Variants in ARL15 observed in about 807,000 individuals in gnomAD.
The protein encoded by ARL15 is ADP-ribosylation factor-like protein 15.
A neutral mutation model predicts 25.2 loss-of-function variants in ARL15; 19 were observed. The ratio of observed to expected loss-of-function variants is 0.75; its 90% CI spans 0.53 to 1.10. The LOEUF is 1.10. Ranked by LOEUF, ARL15 falls within the 50% of genes least tolerant of loss-of-function variation. The probability of loss-of-function intolerance (pLI) is 0.00; values close to 1 mark genes in which losing one functional copy is unlikely to be tolerated. For synonymous variants in ARL15, 94 were observed against 86.8 expected, an observed-to-expected ratio of 1.08 and a Z score of -0.46; for missense variants, 220 against 246.0, an observed-to-expected ratio of 0.89 and a Z score of 0.71.
At chr5:54,030,010 A>C (rs1230163880) in intron 4 of ARL15, among the ~76,000 whole-genome samples, 1 of 151,992 alleles carries the variant, frequency 6.6e-6, no homozygotes, top group African/African-American at 2.4e-5. Context: ...TAAATAAATA[A>C]ATAAAATAAA....
intron 4 of ARL15, among the ~76,000 whole-genome samples, chr5:54,101,887 T>A (rs1258709139): frequency 6.6e-6 from 1 of 152,146 alleles, no homozygotes; most frequent in Non-Finnish European, 1.5e-5. Context: ...GTATCCAAAA[T>A]ATGCAGAAAC....
chr5:53,966,494 T>C (rs774068557), intron 4 of ARL15, among the ~76,000 whole-genome samples: 2 of 152,196 alleles, frequency 1.3e-5, no homozygotes, highest in Non-Finnish European at 2.9e-5. Context: ...AACCCCAACT[T>C]GAGCTGGTCA....
At chr5:54,053,295 C>T (rs929071970) in intron 4 of ARL15, among the ~76,000 whole-genome samples, 1 of 152,054 alleles carries the variant, frequency 6.6e-6, no homozygotes, top group Non-Finnish European at 1.5e-5. Flanking sequence ...CCATGAGTCT[C>T]TACTGACATA....
intron 4 of ARL15, among the ~76,000 whole-genome samples, chr5:54,063,807 TA>T (rs1751136206): frequency 6.6e-6 from 1 of 152,170 alleles, no homozygotes; most frequent in African/African-American, 2.4e-5. Flanking sequence ...GATGTAAAAA[TA>T]AAGCTAATTT....
At chr5:54,011,467 C>G (rs764632674) in intron 4 of ARL15, among the ~76,000 whole-genome samples, 7 of 151,894 alleles carry the variant, frequency 4.6e-5, no homozygotes, top group Non-Finnish European at 8.8e-5. Flanking sequence ...AAATAAATAA[C>G]AGAAAAAGGT....
intron 3 of ARL15, among the ~76,000 whole-genome samples, chr5:54,132,407 T>C (rs1361746237): frequency 1.3e-5 from 2 of 152,080 alleles, no homozygotes; most frequent in African/African-American, 2.4e-5. Flanking sequence ...AACCCAAAAT[T>C]TCACCTGGAA....
chr5:54,019,755 C>A (rs967522939), intron 4 of ARL15, among the ~76,000 whole-genome samples: 2 of 152,140 alleles, frequency 1.3e-5, no homozygotes, highest in African/African-American at 4.8e-5. Flanking sequence ...TGTAAAAAAT[C>A]TGGAACAAAA....
chr5:53,999,771 C>T lies in ARL15; in HGVS notation c.463-113058G>A, dbSNP rs138167474. Among the ~76,000 whole-genome samples, 1,060 of 151,916 alleles carry T rather than the reference C, an allele frequency of 7.0e-3. 8 individuals are homozygous for T. The highest frequency in any genetic ancestry group is 0.011 in the Non-Finnish European group (763 of 67,970). ...TCTACATGGGCGTGGTGGCACATGC[C>T]TGTAATCTCAGCTACTCAGGAGGCT... is the stretch of plus-strand genomic sequence containing the variant. On this transcript the variant is annotated intron_variant, in intron 4 of 4. Transcript: ENST00000504924.
At chr5:54,128,112 C>T (rs1284479831) in intron 3 of ARL15, among the ~76,000 whole-genome samples, 2 of 152,318 alleles carry the variant, frequency 1.3e-5, no homozygotes, top group Admixed American at 6.5e-5. Context: ...GTTCCTCTGG[C>T]TGTTTTTCCT....
At chr5:54,207,866 C>T (rs1039836805) in intron 1 of ARL15, among the ~76,000 whole-genome samples, 1 of 152,180 alleles carries the variant, frequency 6.6e-6, no homozygotes, top group Non-Finnish European at 1.5e-5. Flanking sequence ...ATCCTCTCTC[C>T]GATTTCACAA....
intron 1 of ARL15, among the ~76,000 whole-genome samples, chr5:54,265,352 C>T (rs998339122): frequency 6.6e-6 from 1 of 152,144 alleles, no homozygotes; most frequent in Non-Finnish European, 1.5e-5. Context: ...AAAAGAAAAT[C>T]TTTTTGAGCA....
intron 1 of ARL15, among the ~76,000 whole-genome samples, chr5:54,215,012 T>TA (rs1741189546): frequency 6.6e-6 from 1 of 152,014 alleles, no homozygotes; most frequent in South Asian, 2.1e-4. Flanking sequence ...GTCACCCACA[T>TA]ACGTGTTTTT....
intron 3 of ARL15, among the ~76,000 whole-genome samples, chr5:54,133,173 T>C (rs1753488348): frequency 6.6e-6 from 1 of 152,166 alleles, no homozygotes; most frequent in African/African-American, 2.4e-5. Flanking sequence ...ATCAGATAAA[T>C]ACTAAGTGCC....
intron 4 of ARL15, among the ~76,000 whole-genome samples, chr5:53,910,059 G>A (rs1580070360): frequency 6.6e-6 from 1 of 152,278 alleles, no homozygotes; most frequent in African/African-American, 2.4e-5. Context: ...TTTCTGGAAG[G>A]TGGGCAACCT....
chr5:53,924,932 A>G (rs1432987281), intron 4 of ARL15, among the ~76,000 whole-genome samples: 1 of 152,192 alleles, frequency 6.6e-6, no homozygotes, highest in Admixed American at 6.5e-5. Flanking sequence ...AAAACTGTTA[A>G]GTTAGACATA....
chr5:54,060,863 AG>A (rs1171441985), intron 4 of ARL15, among the ~76,000 whole-genome samples: 4 of 152,338 alleles, frequency 2.6e-5, no homozygotes, highest in Admixed American at 6.5e-5. Context: ...AGCATTCAAG[AG>A]GAGACTTGGA....
At chr5:53,998,313 A>C (rs894916443) in intron 4 of ARL15, among the ~76,000 whole-genome samples, 1 of 151,078 alleles carries the variant, frequency 6.6e-6, no homozygotes, top group Admixed American at 6.6e-5. Flanking sequence ...CTTTTATCCA[A>C]TCTAACACCA....
intron 4 of ARL15, among the ~76,000 whole-genome samples, chr5:54,082,786 GAA>G (rs1362279236): frequency 6.6e-6 from 1 of 150,576 alleles, no homozygotes; most frequent in Non-Finnish European, 1.5e-5. Flanking sequence ...TTAGAGGGGG[GAA>G]AATTAGATGC....
chr5:54,097,858 C>G (rs1172649568), intron 4 of ARL15, among the ~76,000 whole-genome samples: 1 of 152,204 alleles, frequency 6.6e-6, no homozygotes, highest in Non-Finnish European at 1.5e-5. Flanking sequence ...TACATGCACA[C>G]ACAGACATCA....
Sources: gnomAD v4.1 joint callset for allele counts (sites outside exome capture counted in the v4.1 genomes callset) on GRCh38, gnomAD v4.1.1 for gene constraint, MANE v1.5 for transcripts, NCBI Gene and HGNC (gene_info 2026-07-23, HGNC 2026-07-21) for gene names.